BAIAP3: variants seen among roughly 807,000 people sequenced by gnomAD.
The protein encoded by BAIAP3 is BAI1 associated protein 3.
In BAIAP3, 180 loss-of-function variants were observed where a neutral mutation model predicts 149.7. The observed-to-expected ratio is 1.20, with a 90% CI of 1.07 to 1.36. The LOEUF (loss-of-function observed/expected upper bound fraction) is 1.36. Among genes scored for constraint, BAIAP3 ranks in the 40% most tolerant of loss-of-function variants. The pLI, the probability that BAIAP3 is intolerant of heterozygous loss-of-function variation, is 0.00. For missense variants in BAIAP3, 1,767 were observed against 1,563.4 expected, an observed-to-expected ratio of 1.13 and a Z score of -2.20; for synonymous variants, 845 against 670.7, an observed-to-expected ratio of 1.26 and a Z score of -4.02.
chr16:1,346,072 C>T lies in BAIAP3; in HGVS notation c.2295C>T (p.Ser765=), dbSNP rs200592102. The change falls in exon 24 of 34, where the codon AGC becomes AGT. Residue 765 remains serine, a synonymous_variant. Transcript: ENST00000426824. ...TQPGAAGEAV[S]EALCVVLNNV... ...CAGGGGCGGCCGGTGAAGCAGTGAG[C>T]GAGGCGGTGAGTGACCAGCTGGGGA... 2.4e-4 allele frequency: 382 copies of T among 1,610,356 alleles called. No homozygotes were observed. Among genetic ancestry groups the T allele is most frequent in the South Asian group, 2.8e-4 (25 of 90,706 alleles).
rs1394737432 is a variant in BAIAP3, at chr16:1,342,586, G to A, written c.1017G>A (p.Ser339=). The change falls in exon 12 of 34, where the codon TCG becomes TCA. Residue 339 remains serine (S), a synonymous_variant. Transcript: ENST00000426824. ...WFKLEPRSSA[S]RVQGHCHLVL... ...AGCTGGAGCCACGCTCCAGTGCCTCGCGTGTGCAGGGACACTGCCACCTGG... is the reference window on the plus strand; with the variant it reads ...AGCTGGAGCCACGCTCCAGTGCCTCACGTGTGCAGGGACACTGCCACCTGG... 7.7e-6 allele frequency: 12 copies of A among 1,564,930 alleles called. No individual in the cohort carries two copies. Among genetic ancestry groups the A allele is most frequent in the African/African-American group, 5.4e-5 (4 of 73,812 alleles).
chr16:1,339,385 C>T lies in BAIAP3; in HGVS notation c.301-111C>T, dbSNP rs1270647962. On this transcript the variant is annotated intron_variant, in intron 4 of 33. Coordinates refer to ENST00000426824, the MANE Select transcript of BAIAP3 (RefSeq NM_001199097.2). ...GGTGGGTGAGTGAGGAGCGGAGGGGCTCCTGGTGCAAAGAGGCAGAGGTGG... is the reference window on the plus strand; with the variant it reads ...GGTGGGTGAGTGAGGAGCGGAGGGGTTCCTGGTGCAAAGAGGCAGAGGTGG... The T allele has an allele frequency of 2.7e-6, 4 of 1,473,426 alleles. No homozygotes were observed. The African/African-American group carries it at 4.2e-5, about 15-fold the overall frequency. The allele number at this position is 1,473,426 out of a possible 1,614,324, so 91.3% of individuals were successfully genotyped here. A position where few individuals can be genotyped will look rare whatever the true frequency, so the allele number is the denominator to read the frequency against.
intron 5 of BAIAP3, 86 bp from the exon 6 acceptor site, chr16:1,340,836 G>T: frequency 7.0e-7 from 1 of 1,420,420 alleles, no homozygotes; most frequent in South Asian, 1.2e-5. Flanking sequence ...GGGTGTCTGT[G>T]ACGGGCTGAG....
chr16:1,338,197 T>TG (rs1325614094), intron 1 of BAIAP3, among the ~76,000 whole-genome samples: 5 of 151,732 alleles, frequency 3.3e-5, no homozygotes, highest in African/African-American at 4.8e-5. Context: ...GGGAGGGGTG[T>TG]GGGGGGCGAG....
rs758146377 is a variant in BAIAP3 at position 1,347,551 on chromosome 16, A to G, written c.2830A>G (p.Lys944Glu). 105 of 1,608,124 alleles carry G rather than the reference A, an allele frequency of 6.5e-5. No homozygotes were observed. The highest frequency in any genetic ancestry group is 3.8e-5 in the Non-Finnish European group (45 of 1,177,934). ...GATGCGCTTCCCCCTGCAGAGGCTG[A>G]AGGAGGAGCTGCGGCTGCACAAATG... Reference protein sequence around the residue: ...SLRDGSYKRLKEELRLHKCST... With the variant: ...SLRDGSYKRLEEELRLHKCST... The change falls in exon 30 of 34, where the codon AAG becomes GAG. Residue 944 changes from lysine (K) to glutamate (E), a missense_variant. By Grantham distance (56) the Lys-to-Glu change is moderately conservative. Transcript: ENST00000426824.
chr16:1,338,548 C>G lies in BAIAP3; in HGVS notation c.-2C>G, dbSNP rs780838534. 1 of 1,610,320 alleles carries G rather than the reference C, an allele frequency of 6.2e-7. No individual in the cohort carries two copies. The highest frequency in any genetic ancestry group is 1.1e-5 in the South Asian group (1 of 90,704). On this transcript the variant is annotated 5_prime_UTR_variant, in exon 2 of 34. Coordinates refer to ENST00000426824, the MANE Select transcript of BAIAP3 (RefSeq NM_001199097.2). ...TGTGCTCTCTGCTGTAGGTCACCCG[C>G]CATGTCGACCTTGCTGGACATTAAG...
intron 14 of BAIAP3, 90 bp downstream of exon 14, chr16:1,343,106 G>A (rs1001901437): frequency 1.5e-6 from 2 of 1,313,670 alleles, no homozygotes; most frequent in South Asian, 1.3e-5. Flanking sequence ...GGATGTCGTG[G>A]CTGGGAGGGT....
chr16:1,346,980 C>A (rs761003304), intron 28 of BAIAP3, 25 bp downstream of exon 28: 3 of 1,555,562 alleles, frequency 1.9e-6, no homozygotes, highest in Non-Finnish European at 8.7e-7. Flanking sequence ...AGGAGTCCTC[C>A]CCGCCGGCCC....
chr16:1,336,008 G>T (rs776304319), intron 1 of BAIAP3, among the ~76,000 whole-genome samples: 21 of 152,184 alleles, frequency 1.4e-4, no homozygotes, highest in Admixed American at 9.8e-4. Flanking sequence ...AATGCAGGGA[G>T]GGTACCGAGC....
At chr16:1,338,320 C>T (rs555452370) in intron 1 of BAIAP3, among the ~76,000 whole-genome samples, 8 of 152,274 alleles carry the variant, frequency 5.3e-5, no homozygotes, top group Middle Eastern at 3.4e-3. Context: ...TCCCTGAAGC[C>T]GCCCTGCAGG....
chr16:1,348,328 G>A lies in BAIAP3; in HGVS notation c.3355+27G>A, dbSNP rs757459817. The A allele has an allele frequency of 3.7e-6, 6 of 1,603,688 alleles. No individual in the cohort carries two copies. In the Admixed American group the frequency reaches 1.0e-4, roughly 27 times the overall value. Reference sequence around the variant, plus strand: ...TGAGTGAGCATCTGGGTGGAGGCAGGGGCAGCGGGCCTGACCCCGGCCCCC... The same window carrying A: ...TGAGTGAGCATCTGGGTGGAGGCAGAGGCAGCGGGCCTGACCCCGGCCCCC... On this transcript the variant is annotated intron_variant, in intron 33 of 33. Transcript: ENST00000426824.
intron 2 of BAIAP3, 105 bp downstream of exon 2, chr16:1,338,785 T>A: frequency 1.3e-6 from 2 of 1,577,240 alleles, no homozygotes; most frequent in South Asian, 2.3e-5. Flanking sequence ...AAGGAGGGTC[T>A]GCAGTTAGCT....
Position 1,344,132 on chromosome 16 carries a change from G to A in BAIAP3, c.1497G>A (p.Leu499=), listed in dbSNP as rs752014549. The change falls in exon 16 of 34, where the codon CTG becomes CTA. Residue 499 remains leucine, a synonymous_variant. Coordinates refer to ENST00000426824, the MANE Select transcript of BAIAP3 (RefSeq NM_001199097.2). ...CCAACAGCACCGCTGTCCACCGCCTGGAGCTGCTGCTGAAGTGGGTGCAGC... is the reference window on the plus strand; with the variant it reads ...CCAACAGCACCGCTGTCCACCGCCTAGAGCTGCTGCTGAAGTGGGTGCAGC... ...PATNSTAVHR[L]ELLLKCLGKL... The A allele has an allele frequency of 1.9e-6, 3 of 1,612,000 alleles. No homozygotes were observed. Among genetic ancestry groups the A allele is most frequent in the Non-Finnish European group, 2.5e-6 (3 of 1,179,796 alleles).
At chr16:1,346,561 G>A in intron 26 of BAIAP3, 44 bp from the exon 27 acceptor site, 1 of 1,577,764 alleles carries the variant, frequency 6.3e-7, no homozygotes. Context: ...TGGGGGTAGG[G>A]CAGAGGTGCG....
At chr16:1,334,841 G>A in intron 1 of BAIAP3, 1 of 1,336,602 alleles carries the variant, frequency 7.5e-7, no homozygotes, top group Non-Finnish European at 1.0e-6. Context: ...GAGCAGGGAA[G>A]CTGGAGAGAA....
rs767483658 is a variant in BAIAP3 at position 1,341,915 on chromosome 16, G to A, written c.776+49G>A. On this transcript the variant is annotated intron_variant, in intron 9 of 33. Transcript: ENST00000426824. ...GGCGGCGGGGATGCACACCTTTTGC[G>A]GGGGAGCAGGACGGACTCAGGGCCC... 17 of 1,598,442 alleles carry A rather than the reference G, an allele frequency of 1.1e-5. No individual in the cohort carries two copies. The East Asian group carries it at 1.1e-4, about 11-fold the overall frequency.
At chr16:1,342,411 C>G (rs1596573615) in intron 11 of BAIAP3, 116 bp from the exon 12 acceptor site, 1 of 1,359,250 alleles carries the variant, frequency 7.4e-7, no homozygotes, top group East Asian at 2.5e-5. Flanking sequence ...CGCTTGTCAC[C>G]CTCATTCCCC....
In BAIAP3 at chr16:1,344,808, G is replaced by A; in HGVS notation, c.1768G>A (p.Val590Met). 1 of 1,613,822 alleles carries A rather than the reference G, an allele frequency of 6.2e-7. No homozygotes were observed. Residue 590 changes from valine (V) to methionine (M), a missense_variant, in exon 20 of 34, where the codon GTG becomes ATG. Physicochemically the swap from Val to Met is conservative, Grantham distance 21. Transcript: ENST00000426824. ...YASLFHSILNVDVFTLTFRQL... is the reference protein window; with the variant it reads ...YASLFHSILNMDVFTLTFRQL... ...TCCCTTGCTCTGCAGCATCCTCAAT[G>A]TGGACGTCTTCACCCTGACCTTCCG...
chr16:1,338,681 G>C lies in BAIAP3; in HGVS notation c.131+1G>C. 6.3e-7 allele frequency: 1 copy of C among 1,577,796 alleles called. No individual in the cohort carries two copies. The highest frequency in any genetic ancestry group is 8.6e-7 in the Non-Finnish European group (1 of 1,163,832). On this transcript the variant is annotated splice_donor_variant, in intron 2 of 33. Coordinates refer to ENST00000426824, the MANE Select transcript of BAIAP3 (RefSeq NM_001199097.2). LOFTEE classifies it high-confidence loss of function. ...CGCAGGAGCCTGCCACGGGGGCCTG[G>C]TGGGTGCCGAGGGGCCCAGCCCCAC...
Sources: gnomAD v4.1 joint callset for allele counts (sites outside exome capture counted in the v4.1 genomes callset) on GRCh38, gnomAD v4.1.1 for gene constraint, MANE v1.5 for transcripts, NCBI Gene and HGNC (gene_info 2026-07-23, HGNC 2026-07-21) for gene names.